The following C12orf42 variants were observed in gnomAD, a reference collection of about 807,000 sequenced individuals.
C12orf42 encodes the protein chromosome 12 open reading frame 42.
Under a neutral mutation model 21.6 loss-of-function variants are expected in C12orf42, and 25 were observed. The ratio of observed to expected loss-of-function variants is 1.16; its 90% confidence interval spans 0.84 to 1.62. The LOEUF (loss-of-function observed/expected upper bound fraction) is 1.62, where lower values mean the gene tolerates loss of function less well. Among genes scored for constraint, C12orf42 ranks in the 40% most tolerant of loss-of-function variants. C12orf42 has a pLI of 0.00. For synonymous variants in C12orf42, 174 were observed against 175.0 expected, an observed-to-expected ratio of 0.99 and a Z score of 0.05; for missense variants, 483 against 459.3, an observed-to-expected ratio of 1.05 and a Z score of -0.47.
intron 2 of C12orf42, among the ~76,000 whole-genome samples, chr12:103,465,668 G>C (rs145111797): frequency 5.1e-4 from 78 of 152,242 alleles, no homozygotes; most frequent in African/African-American, 1.6e-3. Context: ...GGGCATCCTT[G>C]TCTTGTGCCA....
intron 4 of C12orf42, among the ~76,000 whole-genome samples, chr12:103,316,814 G>GA (rs796082267): frequency 0.036 from 5,090 of 142,620 alleles, 272 homozygotes; most frequent in African/African-American, 0.12. Flanking sequence ...ACTTATACTG[G>GA]AAAAAAAAAA....
intron 2 of C12orf42, among the ~76,000 whole-genome samples, chr12:103,449,579 T>C (rs903565074): frequency 6.6e-6 from 1 of 152,088 alleles, no homozygotes; most frequent in African/African-American, 2.4e-5. Flanking sequence ...TGGTGTGTAA[T>C]ACCAGCTCTG....
chr12:103,502,378 C>T, the C12orf42 span, among the ~76,000 whole-genome samples: 3 of 152,160 alleles, frequency 2.0e-5, no homozygotes, highest in African/African-American at 7.2e-5. Context: ...CATGGCACAG[C>T]ATAATTGTAA....
At chr12:103,212,701 AT>A in the C12orf42 span, among the ~76,000 whole-genome samples, 1 of 152,172 alleles carries the variant, frequency 6.6e-6, no homozygotes, top group Admixed American at 6.5e-5. Context: ...TGTTAATTCT[AT>A]TATTTTATCG....
intron 4 of C12orf42, among the ~76,000 whole-genome samples, chr12:103,280,865 A>C (rs545713606): frequency 1.8e-4 from 27 of 152,272 alleles, no homozygotes; most frequent in African/African-American, 5.8e-4. Context: ...TGACTTGCAG[A>C]TCACCCAGCC....
At chr12:103,426,293 G>A (rs998141485) in intron 2 of C12orf42, among the ~76,000 whole-genome samples, 1 of 152,212 alleles carries the variant, frequency 6.6e-6, no homozygotes, top group East Asian at 1.9e-4. Context: ...GAAAAACACA[G>A]CACGAGAACT....
chr12:103,535,633 A>G, the C12orf42 span, among the ~76,000 whole-genome samples: 1 of 152,116 alleles, frequency 6.6e-6, no homozygotes, highest in Non-Finnish European at 1.5e-5. Context: ...CAAAATAGCT[A>G]TCTCTTGGAG....
the C12orf42 span, among the ~76,000 whole-genome samples, chr12:103,198,365 AGC>A: frequency 2.0e-4 from 30 of 152,282 alleles, no homozygotes; most frequent in South Asian, 1.2e-3. Flanking sequence ...AATTGAGCTC[AGC>A]CAGGCAGGAA....
At chr12:103,231,068 G>A in the C12orf42 span, among the ~76,000 whole-genome samples, 3 of 152,074 alleles carry the variant, frequency 2.0e-5, no homozygotes, top group Admixed American at 6.5e-5. Flanking sequence ...ATTTACAAGT[G>A]TATGAGGTTT....
At chr12:103,444,269 T>C in intron 2 of C12orf42, among the ~76,000 whole-genome samples, 1 of 152,098 alleles carries the variant, frequency 6.6e-6, no homozygotes, top group Non-Finnish European at 1.5e-5. Context: ...CATTTTTCCC[T>C]GAGCCCCACG....
chr12:103,266,071 T>C (rs1270118620), downstream of C12orf42, among the ~76,000 whole-genome samples: 1 of 152,154 alleles, frequency 6.6e-6, no homozygotes, highest in Non-Finnish European at 1.5e-5. Context: ...TGAGGTACTG[T>C]TTATGCTCTC....
chr12:103,354,423 G>A (rs984507966), intron 4 of C12orf42, among the ~76,000 whole-genome samples: 4 of 152,058 alleles, frequency 2.6e-5, no homozygotes, highest in Admixed American at 2.0e-4. Flanking sequence ...CAAAGACTGA[G>A]GCCAGAAGCT....
At chr12:103,052,243 A>T in the C12orf42 span, among the ~76,000 whole-genome samples, 4 of 152,300 alleles carry the variant, frequency 2.6e-5, no homozygotes, top group South Asian at 8.3e-4. Flanking sequence ...ATACACAGAT[A>T]ACCAGGTTTA....
At chr12:103,554,411 T>A in the C12orf42 span, among the ~76,000 whole-genome samples, 2 of 152,154 alleles carry the variant, frequency 1.3e-5, no homozygotes, top group Non-Finnish European at 2.9e-5. Flanking sequence ...AGCTTAAACA[T>A]GCTAAAGACC....
chr12:103,285,499 T>C (rs2036387195), intron 4 of C12orf42, among the ~76,000 whole-genome samples: 1 of 152,196 alleles, frequency 6.6e-6, no homozygotes, highest in Non-Finnish European at 1.5e-5. Flanking sequence ...TGCCATTAAA[T>C]TATAAATATA....
intron 4 of C12orf42, among the ~76,000 whole-genome samples, chr12:103,312,741 G>A (rs150865724): frequency 4.6e-5 from 7 of 152,328 alleles, no homozygotes; most frequent in African/African-American, 1.4e-4. Flanking sequence ...TTGCAGCACA[G>A]GACTTCCATC....
intron 4 of C12orf42, among the ~76,000 whole-genome samples, chr12:103,365,207 G>T (rs1471880578): frequency 6.6e-6 from 1 of 151,924 alleles, no homozygotes; most frequent in Non-Finnish European, 1.5e-5. Flanking sequence ...CACACAAACA[G>T]AATTAAAAAC....
chr12:103,399,317 G>A (rs1040611044), intron 3 of C12orf42, among the ~76,000 whole-genome samples: 4 of 151,566 alleles, frequency 2.6e-5, no homozygotes, highest in Non-Finnish European at 5.9e-5. Context: ...TTATTTTAAT[G>A]AAAATGATTC....
At chr12:103,061,781 C>A in the C12orf42 span, among the ~76,000 whole-genome samples, 2 of 151,448 alleles carry the variant, frequency 1.3e-5, no homozygotes, top group Non-Finnish European at 2.9e-5. Context: ...TCTTATAAGG[C>A]ACACACAGTT....
Sources: allele counts gnomAD v4.1 joint callset (sites outside exome capture counted in the v4.1 genomes callset), GRCh38; gene constraint gnomAD v4.1.1; transcripts MANE v1.5; gene names NCBI Gene and HGNC (gene_info 2026-07-23, HGNC 2026-07-21).